The following PRUNE2 variants were observed in gnomAD, a reference collection of about 807,000 sequenced individuals.
PRUNE2 encodes the protein prune homolog 2 with BCH domain.
PRUNE2 carries 164 observed loss-of-function variants against 252.0 expected under a neutral mutation model. The observed-to-expected ratio is 0.65, with a 90% CI of 0.57 to 0.74. The LOEUF (loss-of-function observed/expected upper bound fraction) is 0.74, where lower values mean the gene tolerates loss of function less well. PRUNE2 is among the 30% of genes least tolerant of loss of function. The pLI is 0.00. For synonymous variants in PRUNE2, 1,292 were observed against 1,350.2 expected (o/e 0.96, Z 0.94); for missense variants, 3,495 against 3,711.0 (o/e 0.94, Z 1.51).
chr9:76,893,042 C>T (rs1266444076), intron 1 of PRUNE2, among the ~76,000 whole-genome samples: 4 of 152,076 alleles, frequency 2.6e-5, no homozygotes, highest in East Asian at 1.9e-4. Flanking sequence ...AAGTTCGAGA[C>T]GAGCCTGGGC....
At chr9:76,724,799 T>C (rs10781372) in intron 6 of PRUNE2, among the ~76,000 whole-genome samples, 61,390 of 152,040 alleles carry the variant, frequency 0.4, 13,178 homozygotes, top group Admixed American at 0.55. Flanking sequence ...CTTTCCTCTA[T>C]TGGATGGACT....
intron 6 of PRUNE2, among the ~76,000 whole-genome samples, chr9:76,717,953 C>T (rs2047305618): frequency 6.6e-6 from 1 of 152,072 alleles, no homozygotes; most frequent in Non-Finnish European, 1.5e-5. Context: ...AGCCTGGAAA[C>T]GTGGGGAGAA....
At chr9:76,821,705 C>T (rs879297643) in intron 6 of PRUNE2, among the ~76,000 whole-genome samples, 2 of 152,152 alleles carry the variant, frequency 1.3e-5, no homozygotes, top group Admixed American at 6.5e-5. Flanking sequence ...CAGAGATGTG[C>T]TTAACCACCT....
chr9:76,771,654 G>A (rs1243303311), intron 6 of PRUNE2, among the ~76,000 whole-genome samples: 1 of 152,198 alleles, frequency 6.6e-6, no homozygotes, highest in African/African-American at 2.4e-5. Flanking sequence ...TGTACACATT[G>A]AGTAAATGAA....
Position 76,705,856 on chromosome 9 carries a change from C to G in PRUNE2, c.6418G>C (p.Glu2140Gln). 1 of 1,613,678 alleles carries G rather than the reference C, an allele frequency of 6.2e-7. No individual in the cohort carries two copies. Among genetic ancestry groups the G allele is most frequent in the Non-Finnish European group, 8.5e-7 (1 of 1,179,884 alleles). The change falls in exon 8 of 19, where the codon GAG becomes CAG. Residue 2140 changes from glutamate to glutamine, a missense_variant. Coordinates refer to ENST00000376718, the MANE Select transcript of PRUNE2 (RefSeq NM_015225.3). Reference protein sequence around the residue: ...ESSELCLTEPEIDEEPIYEPG... With the variant: ...ESSELCLTEPQIDEEPIYEPG... ...TCATAAATGGGTTCTTCATCTATCTCTGGCTCAGTGAGACAAAGCTCACTG... is the reference window on the plus strand; with the variant it reads ...TCATAAATGGGTTCTTCATCTATCTGTGGCTCAGTGAGACAAAGCTCACTG...
intron 9 of PRUNE2, among the ~76,000 whole-genome samples, chr9:76,697,920 A>G (rs1473117367): frequency 6.6e-6 from 1 of 152,182 alleles, no homozygotes; most frequent in Non-Finnish European, 1.5e-5. Context: ...CTTACTATGG[A>G]AAGTCTGCTC....
chr9:76,897,067 T>C (rs973403054), intron 1 of PRUNE2, among the ~76,000 whole-genome samples: 1 of 152,212 alleles, frequency 6.6e-6, no homozygotes, highest in Non-Finnish European at 1.5e-5. Flanking sequence ...TAACACCATG[T>C]TTTTCTCATA....
intron 6 of PRUNE2, among the ~76,000 whole-genome samples, chr9:76,717,554 G>C (rs562136304): frequency 6.0e-4 from 91 of 152,068 alleles, no homozygotes; most frequent in African/African-American, 2.0e-3. Flanking sequence ...TTGTTAATCT[G>C]CTCAAATGTC....
intron 1 of PRUNE2, among the ~76,000 whole-genome samples, chr9:76,858,772 AG>A (rs2060397540): frequency 2.0e-5 from 3 of 149,212 alleles, no homozygotes; most frequent in Admixed American, 6.6e-5. Flanking sequence ...AAAAAAAAAA[AG>A]AAAGAAAAAA....
At chr9:76,824,721 C>T (rs199509393) in intron 5 of PRUNE2, among the ~76,000 whole-genome samples, 1 of 152,176 alleles carries the variant, frequency 6.6e-6, no homozygotes, top group East Asian at 1.9e-4. Context: ...GCACTGCACC[C>T]TTCCCAGACG....
intron 6 of PRUNE2, among the ~76,000 whole-genome samples, chr9:76,753,642 T>C (rs892225883): frequency 6.6e-6 from 1 of 151,972 alleles, no homozygotes; most frequent in Admixed American, 6.5e-5. Flanking sequence ...GCTTCAGTAG[T>C]TTTTCAAAGT....
intron 4 of PRUNE2, among the ~76,000 whole-genome samples, chr9:76,837,818 CT>C (rs2059121298): frequency 6.8e-6 from 1 of 147,740 alleles, no homozygotes; most frequent in Non-Finnish European, 1.5e-5. Context: ...GTCGCCCAGG[CT>C]GGAGTGCAGT....
intron 2 of PRUNE2, among the ~76,000 whole-genome samples, chr9:76,851,247 T>C (rs1414732380): frequency 2.0e-5 from 3 of 151,962 alleles, no homozygotes; most frequent in Non-Finnish European, 2.9e-5. Context: ...CCCAGTGTAG[T>C]TAAAACTTTA....
rs143972181 is a variant in PRUNE2 at position 76,745,624 on chromosome 9, T to C, written c.757-31903A>G. 4.6e-3 allele frequency among the ~76,000 whole-genome samples: 703 copies of C among 152,208 alleles called. 6 individuals are homozygous for C. Among genetic ancestry groups the C allele is most frequent in the African/African-American group, 0.016 (655 of 41,508 alleles). On this transcript the variant is annotated intron_variant, in intron 6 of 18. Transcript: ENST00000376718. ...CTAGTACCTCCCCCTTCCCCCAAACTATCCTTGAGAAACCCTAGCTTCTGA... is the reference window on the plus strand; with the variant it reads ...CTAGTACCTCCCCCTTCCCCCAAACCATCCTTGAGAAACCCTAGCTTCTGA...
intron 1 of PRUNE2, among the ~76,000 whole-genome samples, chr9:76,903,794 G>A (rs1440805292): frequency 6.6e-6 from 1 of 151,974 alleles, no homozygotes; most frequent in East Asian, 1.9e-4. Flanking sequence ...CACCATGTTG[G>A]CCAGGCTGGT....
rs956705355 is a variant in PRUNE2 at position 76,844,671 on chromosome 9, C to A, written c.508+1844G>T. Among the ~76,000 whole-genome samples, 102 of 152,114 alleles carry A rather than the reference C, an allele frequency of 6.7e-4. 1 individual carries two copies. The highest frequency in any genetic ancestry group is 2.4e-3 in the African/African-American group (100 of 41,418). On this transcript the variant is annotated intron_variant, in intron 4 of 18. Coordinates refer to ENST00000376718, the MANE Select transcript of PRUNE2 (RefSeq NM_015225.3). ...AGAGCCCTCTTTCCACCATAAGAAG[C>A]CCCCTATGTCTTCTACCTCCCAGGG...
intron 9 of PRUNE2, among the ~76,000 whole-genome samples, chr9:76,690,452 AAC>A (rs1168055021): frequency 9.2e-5 from 14 of 152,338 alleles, no homozygotes; most frequent in African/African-American, 3.1e-4. Context: ...CAGGTACCTG[AAC>A]CTATGTGCAA....
At chr9:76,658,411 G>A (rs796949629) in intron 9 of PRUNE2, among the ~76,000 whole-genome samples, 7 of 152,330 alleles carry the variant, frequency 4.6e-5, no homozygotes, top group African/African-American at 1.7e-4. Flanking sequence ...CCCTGGGACA[G>A]AGGGAAAGCT....
chr9:76,649,612 TGATAGATAGATA>T (rs56889503), intron 11 of PRUNE2, among the ~76,000 whole-genome samples: 7 of 149,986 alleles, frequency 4.7e-5, no homozygotes, highest in East Asian at 4.0e-4. Context: ...GATAGATAGA[TGATAGATAGATA>T]GATAGATAGA....
Sources: gnomAD v4.1 joint callset for allele counts (sites outside exome capture counted in the v4.1 genomes callset) on GRCh38, gnomAD v4.1.1 for gene constraint, MANE v1.5 for transcripts, NCBI Gene and HGNC (gene_info 2026-07-23, HGNC 2026-07-21) for gene names.